The following ADAMTSL1 variants were observed in gnomAD, a reference collection of about 807,000 sequenced individuals.
ADAMTSL1 encodes ADAMTS like 1.
A neutral mutation model predicts 201.8 loss-of-function variants in ADAMTSL1; 126 were observed. The ratio of observed to expected loss-of-function variants is 0.62; its 90% CI spans 0.54 to 0.72. The LOEUF (loss-of-function observed/expected upper bound fraction) is 0.72, where lower values mean the gene tolerates loss of function less well. ADAMTSL1 is among the 30% of genes least tolerant of loss of function. ADAMTSL1 has a pLI of 0.00. For synonymous variants in ADAMTSL1, 1,121 were observed against 903.4 expected, an observed-to-expected ratio of 1.24 and a Z score of -4.32; for missense variants, 2,679 against 2,277.8, an observed-to-expected ratio of 1.18 and a Z score of -3.59.
chr9:18,521,383 C>G (rs1333886617), intron 2 of ADAMTSL1, among the ~76,000 whole-genome samples: 2 of 151,712 alleles, frequency 1.3e-5, no homozygotes, highest in African/African-American at 4.8e-5. Flanking sequence ...GATTATTATG[C>G]ATTGCATGCC....
chr9:18,862,412 G>T (rs1247047061), intron 23 of ADAMTSL1, among the ~76,000 whole-genome samples: 1 of 152,166 alleles, frequency 6.6e-6, no homozygotes. Context: ...GTGAGGGGAT[G>T]AGAACAGCTA....
chr9:18,554,135 A>G (rs912091129), intron 3 of ADAMTSL1, among the ~76,000 whole-genome samples: 32 of 151,482 alleles, frequency 2.1e-4, no homozygotes, highest in African/African-American at 6.3e-4. Flanking sequence ...ATTTATAAAA[A>G]CATTTATATC....
In ADAMTSL1 at chr9:18,541,514, GA is replaced by G. The variant is rs71333044; in HGVS notation, c.237+8236del. 6.6e-3 allele frequency among the ~76,000 whole-genome samples: 929 copies of G among 140,168 alleles called. 10 individuals carry two copies. Among genetic ancestry groups the G allele is most frequent in the East Asian group, 0.02 (100 of 4,952 alleles). 92.0% of individuals were successfully genotyped at this position (140,168 alleles called of 152,430 possible). On this transcript the variant is annotated intron_variant, in intron 3 of 28. Transcript: ENST00000380548. ...AACAAGAGCAAAACTCCATCTCAAA[GA>G]AAAAAAAAAAAAATTTATGGGTGGG... is the stretch of plus-strand genomic sequence containing the variant.
intron 2 of ADAMTSL1, among the ~76,000 whole-genome samples, chr9:18,265,553 G>T (rs1184217849): frequency 6.6e-6 from 1 of 152,140 alleles, no homozygotes; most frequent in African/African-American, 2.4e-5. Flanking sequence ...ATGACTGAAT[G>T]AATAAGCTAT....
intron 1 of ADAMTSL1, among the ~76,000 whole-genome samples, chr9:17,954,261 T>C (rs1332949557): frequency 1.3e-5 from 2 of 152,178 alleles, no homozygotes; most frequent in Non-Finnish European, 2.9e-5. Flanking sequence ...GCCACAAAGC[T>C]TCTTGTAACC....
intron 2 of ADAMTSL1, among the ~76,000 whole-genome samples, chr9:18,307,521 C>CA (rs1450254297): frequency 1.3e-5 from 2 of 150,538 alleles, no homozygotes; most frequent in South Asian, 2.1e-4. Flanking sequence ...AAGGGAAAAC[C>CA]AAAAAAAAGC....
intron 4 of ADAMTSL1, among the ~76,000 whole-genome samples, chr9:18,621,933 TA>T (rs1377679478): frequency 6.6e-6 from 1 of 152,212 alleles, no homozygotes; most frequent in Non-Finnish European, 1.5e-5. Flanking sequence ...AAAACATCAA[TA>T]ATTCAGGATC....
chr9:18,656,641 A>G (rs1049683224), intron 7 of ADAMTSL1, among the ~76,000 whole-genome samples: 6 of 151,694 alleles, frequency 4.0e-5, no homozygotes, highest in African/African-American at 1.2e-4. Context: ...AAAAAAAAAA[A>G]AAAAGAAAAT....
chr9:18,337,638 T>C (rs1167309284), intron 2 of ADAMTSL1, among the ~76,000 whole-genome samples: 1 of 152,182 alleles, frequency 6.6e-6, no homozygotes, highest in African/African-American at 2.4e-5. Flanking sequence ...AGACAAGTTC[T>C]AGAGTCTGCT....
At chr9:18,427,375 T>C (rs1258859665) in intron 2 of ADAMTSL1, among the ~76,000 whole-genome samples, 2 of 152,202 alleles carry the variant, frequency 1.3e-5, no homozygotes, top group African/African-American at 2.4e-5. Flanking sequence ...TGAAAGCCAC[T>C]TGATGGGTAG....
chr9:18,130,728 A>G (rs1355103366), intron 1 of ADAMTSL1, among the ~76,000 whole-genome samples: 1 of 152,194 alleles, frequency 6.6e-6, no homozygotes, highest in Non-Finnish European at 1.5e-5. Context: ...CACCAGACAC[A>G]TAGGGAACTT....
chr9:17,998,254 C>G (rs545774000), intron 1 of ADAMTSL1, among the ~76,000 whole-genome samples: 1 of 152,052 alleles, frequency 6.6e-6, no homozygotes, highest in Admixed American at 6.6e-5. Context: ...TTAATGGAAA[C>G]CAATGTCTCC....
intron 19 of ADAMTSL1, among the ~76,000 whole-genome samples, chr9:18,787,154 C>T (rs1372274509): frequency 6.6e-6 from 1 of 152,142 alleles, no homozygotes; most frequent in Non-Finnish European, 1.5e-5. Context: ...AAGCCCATTT[C>T]AGTTTGGTTT....
rs77886371 is a variant in ADAMTSL1 at position 18,795,512 on chromosome 9, G to A, written c.3793G>A (p.Val1265Ile). The change falls in exon 20 of 29, where the codon GTC (valine) becomes ATC (isoleucine). Residue 1265 changes from valine (V) to isoleucine (I), a missense_variant. Coordinates refer to ENST00000380548, the MANE Select transcript of ADAMTSL1 (RefSeq NM_001040272.6). ...GGGATACGACTCTGTCTCCATTGCC[G>A]TCACATTAGCAGGTAACCCAAAAAT... ...ALGYDSVSIAVTLAGKPLVKT... is the reference protein window; with the variant it reads ...ALGYDSVSIAITLAGKPLVKT... 316 of 1,611,748 alleles carry A rather than the reference G, an allele frequency of 2.0e-4. 3 individuals carry two copies. The East Asian group carries it at 6.0e-3, about 31-fold the overall frequency.
In ADAMTSL1 at chr9:18,205,104, G is replaced by A. The variant is rs1050856581; in HGVS notation, c.207+41123G>A. Reference sequence around the variant, plus strand: ...GACATGCCTTGTGTCTCCTATCAAGGCTCTCTTCCAAGCAGAAACCAAGCT... The same window carrying A: ...GACATGCCTTGTGTCTCCTATCAAGACTCTCTTCCAAGCAGAAACCAAGCT... On this transcript the variant is annotated intron_variant, in intron 2 of 29. Coordinates refer to the ADAMTSL1 transcript ENST00000680146. Among the ~76,000 whole-genome samples the A allele has an allele frequency of 2.0e-5, 3 of 152,158 alleles. No homozygotes were observed. The East Asian group carries it at 5.8e-4, about 30-fold the overall frequency.
At chr9:18,824,942 T>G (rs568865871) in intron 21 of ADAMTSL1, among the ~76,000 whole-genome samples, 8 of 152,076 alleles carry the variant, frequency 5.3e-5, no homozygotes, top group Non-Finnish European at 1.2e-4. Context: ...GTGATCTGTC[T>G]GCCTCGGCCT....
At chr9:18,712,088 C>G (rs1382155365) in intron 14 of ADAMTSL1, among the ~76,000 whole-genome samples, 99 of 151,212 alleles carry the variant, frequency 6.5e-4, no homozygotes, top group Middle Eastern at 3.4e-3. Context: ...ACACCAAAAA[C>G]CCATCTGTAC....
At chr9:18,766,183 T>C (rs1820353819) in intron 16 of ADAMTSL1, among the ~76,000 whole-genome samples, 1 of 152,194 alleles carries the variant, frequency 6.6e-6, no homozygotes, top group African/African-American at 2.4e-5. Context: ...TGGTTCATGA[T>C]TGGCATTTAA....
intron 1 of ADAMTSL1, among the ~76,000 whole-genome samples, chr9:17,937,472 T>G (rs1008586841): frequency 3.3e-5 from 5 of 151,980 alleles, no homozygotes; most frequent in African/African-American, 1.2e-4. Context: ...TAGATTTGGA[T>G]AGTTGATCAG....
Sources: allele counts gnomAD v4.1 joint callset (sites outside exome capture counted in the v4.1 genomes callset), GRCh38; gene constraint gnomAD v4.1.1; transcripts MANE v1.5; gene names NCBI Gene and HGNC (gene_info 2026-07-23, HGNC 2026-07-21).